The following KIF26B variants were observed in gnomAD, a reference collection of about 807,000 sequenced individuals.
KIF26B encodes the protein kinesin-like protein KIF26B.
Under a neutral mutation model 151.2 loss-of-function variants are expected in KIF26B, and 63 were observed. That is an observed-to-expected ratio of 0.42 (90% CI 0.34 to 0.51). The LOEUF (loss-of-function observed/expected upper bound fraction) is 0.51, where lower values mean the gene tolerates loss of function less well. KIF26B is among the 20% of genes least tolerant of loss of function. The probability of loss-of-function intolerance (pLI) is 0.07; values close to 1 mark genes in which losing one functional copy is unlikely to be tolerated. For synonymous variants in KIF26B, 1,357 were observed against 1,262.1 expected (o/e 1.08, Z -1.59); for missense variants, 2,813 against 2,913.6 (o/e 0.97, Z 0.79).
chr1:245,580,835 T>C (rs2043168615), intron 5 of KIF26B, among the ~76,000 whole-genome samples: 1 of 152,230 alleles, frequency 6.6e-6, no homozygotes, highest in East Asian at 1.9e-4. Flanking sequence ...ATCTGTGGTT[T>C]CTCATCCTGT....
At chr1:245,594,368 G>T (rs2043319901) in intron 5 of KIF26B, among the ~76,000 whole-genome samples, 1 of 152,088 alleles carries the variant, frequency 6.6e-6, no homozygotes, top group Non-Finnish European at 1.5e-5. Context: ...AAGGGGTCCG[G>T]TTTCAGTTTT....
chr1:245,688,829 C>G, intron 12 of KIF26B, 22 bp downstream of exon 12: 2 of 1,547,634 alleles, frequency 1.3e-6, no homozygotes, highest in Non-Finnish European at 1.7e-6. Flanking sequence ...GGCGCAGGGA[C>G]GCGGGTGAGG....
intron 2 of KIF26B, among the ~76,000 whole-genome samples, chr1:245,197,335 A>G (rs1275176978): frequency 2.0e-5 from 3 of 152,176 alleles, no homozygotes; most frequent in African/African-American, 7.2e-5. Flanking sequence ...TTCAGCACTT[A>G]GCTTTGAATA....
In KIF26B at chr1:245,352,714, C is replaced by T. The variant is rs978843286; in HGVS notation, c.466-14120C>T. Among the ~76,000 whole-genome samples the T allele has an allele frequency of 2.0e-5, 3 of 152,032 alleles. No individual in the cohort carries two copies. The highest frequency in any genetic ancestry group is 2.9e-5 in the Non-Finnish European group (2 of 68,008). ...GAAAAGTGATAGAGGCAGGTGGGGA[C>T]GGGGAGGTGAGTTTTCTTCGCATTT... On this transcript the variant is annotated intron_variant, in intron 2 of 14. Transcript: ENST00000407071. The surrounding 1 kb of genome is among the most constrained non-coding windows in gnomAD (Gnocchi z 5.0).
chr1:245,368,131 C>A (rs1673007671), intron 3 of KIF26B, among the ~76,000 whole-genome samples: 1 of 151,766 alleles, frequency 6.6e-6, no homozygotes, highest in Admixed American at 6.6e-5. Context: ...CTTAACCTCT[C>A]CTCCCTTGAC....
At chr1:245,305,936 CAA>C (rs55865379) in intron 2 of KIF26B, among the ~76,000 whole-genome samples, 32,027 of 85,232 alleles carry the variant, frequency 0.38, 2,466 homozygotes, top group Admixed American at 0.47. Context: ...GACGACTCCT[CAA>C]AAAAAAAAAA....
At chr1:245,603,822 C>T (rs1228999014) in intron 6 of KIF26B, among the ~76,000 whole-genome samples, 1 of 152,294 alleles carries the variant, frequency 6.6e-6, no homozygotes, top group Middle Eastern at 3.4e-3. Context: ...CTCCAAGTCA[C>T]ATTGCAAGGG....
rs2103514038 is a variant in KIF26B, at chr1:245,154,994, G to C, written c.-431G>C. 2.4e-6 allele frequency: 1 copy of C among 413,528 alleles called. No individual in the cohort carries two copies. The highest frequency in any genetic ancestry group is 4.4e-5 in the Admixed American group (1 of 22,808). The allele number at this position is 413,528 out of a possible 1,614,324, so 25.6% of individuals were successfully genotyped here. On this transcript the variant is annotated 5_prime_UTR_variant, in exon 1 of 15. Coordinates refer to ENST00000407071, the MANE Select transcript of KIF26B (RefSeq NM_018012.4). ...GAATTTCTTTGAACTCAGTTACCAA[G>C]CTCGGTGAAGGAGACAAGTTCCCAC...
intron 3 of KIF26B, among the ~76,000 whole-genome samples, chr1:245,373,416 C>T (rs992386543): frequency 4.6e-5 from 7 of 152,172 alleles, no homozygotes; most frequent in African/African-American, 9.7e-5. Context: ...GCTGGCATTT[C>T]GATGCCACAC....
At chr1:245,518,376 T>A (rs1284273650) in intron 4 of KIF26B, among the ~76,000 whole-genome samples, 1 of 152,210 alleles carries the variant, frequency 6.6e-6, no homozygotes, top group East Asian at 1.9e-4. Context: ...CCTACGCTAC[T>A]TGTTCATGTT....
chr1:245,366,474 T>C (rs1672955143), intron 2 of KIF26B, among the ~76,000 whole-genome samples: 1 of 148,358 alleles, frequency 6.7e-6, no homozygotes. Context: ...GAGGTTGCAG[T>C]GAGCCGAGAT....
chr1:245,698,857 G>A lies in KIF26B; in HGVS notation c.6028-30G>A. On this transcript the variant is annotated intron_variant, in intron 13 of 14. Transcript: ENST00000407071. The surrounding 1 kb of genome is among the most constrained non-coding windows in gnomAD (Gnocchi z 4.0). ...GGTGTGGGCTGGGTGTGAGCAGAAG[G>A]GCCCTTTCTCCTCTCTGTCTGTGTG... 6.2e-7 allele frequency: 1 copy of A among 1,604,776 alleles called. No homozygotes were observed. Among genetic ancestry groups the A allele is most frequent in the South Asian group, 1.1e-5 (1 of 89,898 alleles).
At chr1:245,690,084 C>T (rs1477946956) in intron 12 of KIF26B, among the ~76,000 whole-genome samples, 4 of 152,156 alleles carry the variant, frequency 2.6e-5, no homozygotes, top group African/African-American at 9.6e-5. Flanking sequence ...GGCAAAAGTT[C>T]CCAAGAACAA....
At chr1:245,502,073 T>TA (rs1660634009) in intron 4 of KIF26B, among the ~76,000 whole-genome samples, 1 of 152,188 alleles carries the variant, frequency 6.6e-6, no homozygotes. Context: ...GCTTTTCTGA[T>TA]AAAAAAGGAA....
rs2043405532 is a variant in KIF26B, at chr1:245,602,376, C to T, written c.1351-201C>T. On this transcript the variant is annotated intron_variant, in intron 5 of 14. Coordinates refer to ENST00000407071, the MANE Select transcript of KIF26B (RefSeq NM_018012.4). This position sits in a 1 kb window ranked among gnomAD's most constrained non-coding sequence, Gnocchi z 4.5. ...GAAGTAATGGGCATATCAAAATATT[C>T]TACCTGGTAATTATAAATAAATCAG... Among the ~76,000 whole-genome samples the T allele has an allele frequency of 6.6e-6, 1 of 152,206 alleles. No homozygotes were observed. The highest frequency in any genetic ancestry group is 1.5e-5 in the Non-Finnish European group (1 of 68,034).
chr1:245,685,298 T>G (rs1374540793), intron 11 of KIF26B, 107 bp from the exon 12 acceptor site: 3 of 957,830 alleles, frequency 3.1e-6, no homozygotes, highest in Admixed American at 2.7e-5. Context: ...GGGGTGGCTG[T>G]CAGTAGCCTG....
intron 3 of KIF26B, among the ~76,000 whole-genome samples, chr1:245,378,501 T>C (rs1255706839): frequency 2.6e-5 from 4 of 152,140 alleles, no homozygotes; most frequent in Non-Finnish European, 5.9e-5. Context: ...CTTTTCACAG[T>C]CGTCTTGTGT....
chr1:245,421,354 A>G (rs745460034), intron 4 of KIF26B, among the ~76,000 whole-genome samples: 17 of 152,252 alleles, frequency 1.1e-4, no homozygotes, highest in Middle Eastern at 3.4e-3. Flanking sequence ...CTCTCAGGCT[A>G]TTGTATAAAT....
At chr1:245,568,837 G>T (rs903821203) in intron 5 of KIF26B, among the ~76,000 whole-genome samples, 1 of 152,298 alleles carries the variant, frequency 6.6e-6, no homozygotes, top group East Asian at 1.9e-4. Context: ...GAATCTTAAA[G>T]CTTCATCTAA....
Sources: allele counts gnomAD v4.1 joint callset (sites outside exome capture counted in the v4.1 genomes callset), GRCh38; gene constraint gnomAD v4.1.1; non-coding constraint Gnocchi (gnomAD v3.1); transcripts MANE v1.5; gene names NCBI Gene and HGNC (gene_info 2026-07-23, HGNC 2026-07-21).